The following ATF7IP variants were observed in gnomAD, a reference collection of about 807,000 sequenced individuals.
ATF7IP encodes the protein activating transcription factor 7-interacting protein 1.
A neutral mutation model predicts 106.4 loss-of-function variants in ATF7IP; 23 were observed. The ratio of observed to expected loss-of-function variants is 0.22; its 90% CI spans 0.16 to 0.31. ATF7IP has a LOEUF of 0.31. Ranked by LOEUF, ATF7IP falls within the 10% of genes least tolerant of loss-of-function variation. The probability of loss-of-function intolerance (pLI) is 1.00; values close to 1 mark genes in which losing one functional copy is unlikely to be tolerated. For missense variants in ATF7IP, 1,334 were observed against 1,524.3 expected, an observed-to-expected ratio of 0.88 and a Z score of 2.08; for synonymous variants, 542 against 539.0, an observed-to-expected ratio of 1.01 and a Z score of -0.08.
At chr12:14,393,120 A>G (rs1939657913) in intron 1 of ATF7IP, among the ~76,000 whole-genome samples, 1 of 152,160 alleles carries the variant, frequency 6.6e-6, no homozygotes, top group African/African-American at 2.4e-5. Context: ...CATCCATGTT[A>G]TTTACACTAT....
At chr12:14,438,416 GTAAAGAA>G in intron 5 of ATF7IP, 149 bp downstream of exon 5, 1 of 737,600 alleles carries the variant, frequency 1.4e-6, no homozygotes, top group Non-Finnish European at 2.1e-6. Flanking sequence ...CAGGGCTGCT[GTAAAGAA>G]AGTGCAATAA....
At chr12:14,437,201 TAGAG>T (rs773936123) in intron 4 of ATF7IP, among the ~76,000 whole-genome samples, 2 of 152,210 alleles carry the variant, frequency 1.3e-5, no homozygotes, top group East Asian at 3.8e-4. Flanking sequence ...AAGCTTTTCT[TAGAG>T]AGGAATATTA....
At chr12:14,457,403 T>G (rs1943469486) in intron 8 of ATF7IP, 108 bp downstream of exon 8, 1 of 790,920 alleles carries the variant, frequency 1.3e-6, no homozygotes, top group Non-Finnish European at 2.0e-6. Context: ...ATTGGGCACA[T>G]TGGTCTAAGT....
At chr12:14,395,929 G>C (rs948732956) in intron 1 of ATF7IP, among the ~76,000 whole-genome samples, 1 of 151,524 alleles carries the variant, frequency 6.6e-6, no homozygotes, top group Non-Finnish European at 1.5e-5. Flanking sequence ...ACAGTCATTT[G>C]TTATTATTTT....
intron 1 of ATF7IP, among the ~76,000 whole-genome samples, chr12:14,422,820 T>A (rs1941606079): frequency 6.6e-6 from 1 of 152,250 alleles, no homozygotes; most frequent in South Asian, 2.1e-4. Flanking sequence ...TTAGGTTGTT[T>A]CCAGTTTTGG....
intron 10 of ATF7IP, among the ~76,000 whole-genome samples, chr12:14,468,801 A>T (rs142520307): frequency 6.6e-6 from 1 of 152,214 alleles, no homozygotes; most frequent in African/African-American, 2.4e-5. Context: ...GCTTTCAGTT[A>T]TGAAGTTATG....
rs748492096 is a variant in ATF7IP, at chr12:14,498,071, T to TA, written c.*1dup. The change falls in exon 15 of 15, where the codon TAA becomes TAAA. Residue 1271 remains the stop codon, a frameshift_variant and stop_retained_variant. Transcript: ENST00000261168. LOFTEE classifies it high-confidence loss of function. Reference sequence around the variant, plus strand: ...TGTGATCTCTTCTACCCAGAGCAGTTAAACCTTGGAGCCTTTATATTTTCC... The same window carrying TA: ...TGTGATCTCTTCTACCCAGAGCAGTTAAAACCTTGGAGCCTTTATATTTTCC... ...TDVISSTQSS[*] 1.3e-6 allele frequency: 2 copies of TA among 1,571,242 alleles called. No individual in the cohort carries two copies. The highest frequency in any genetic ancestry group is 3.7e-5 in the Admixed American group (2 of 54,604).
chr12:14,367,785 A>G lies in ATF7IP; in HGVS notation c.-8+1958A>G, dbSNP rs1190473269. Among the ~76,000 whole-genome samples, 8 of 152,230 alleles carry G rather than the reference A, an allele frequency of 5.3e-5. 1 individual carries two copies. The South Asian group carries it at 1.4e-3, about 28-fold the overall frequency. On this transcript the variant is annotated intron_variant, in intron 1 of 14. Coordinates refer to ENST00000261168, the MANE Select transcript of ATF7IP (RefSeq NM_018179.5). ...TGCTGTCATGTTTCTTACAAGGCAGATATAATCATGTAAACTTAATAAGAT... is the reference window on the plus strand; with the variant it reads ...TGCTGTCATGTTTCTTACAAGGCAGGTATAATCATGTAAACTTAATAAGAT...
At chr12:14,450,527 G>A (rs926618091) in intron 6 of ATF7IP, among the ~76,000 whole-genome samples, 1 of 152,096 alleles carries the variant, frequency 6.6e-6, no homozygotes, top group Non-Finnish European at 1.5e-5. Context: ...TGGTCATGGT[G>A]TATAATCTTT....
intron 1 of ATF7IP, among the ~76,000 whole-genome samples, chr12:14,395,583 A>G (rs1381896006): frequency 1.3e-5 from 2 of 152,156 alleles, no homozygotes; most frequent in Non-Finnish European, 2.9e-5. Flanking sequence ...GTCTGTTACT[A>G]TATTCTCACT....
intron 13 of ATF7IP, among the ~76,000 whole-genome samples, chr12:14,483,510 G>T (rs749372859): frequency 3.3e-5 from 5 of 152,210 alleles, no homozygotes; most frequent in East Asian, 3.9e-4. Flanking sequence ...TCTCCTGGTG[G>T]GAGCGTTCCT....
chr12:14,431,398 CTT>C (rs780382202), intron 2 of ATF7IP, among the ~76,000 whole-genome samples: 15 of 142,622 alleles, frequency 1.1e-4, no homozygotes, highest in Admixed American at 1.4e-4. Flanking sequence ...AAAAAACATT[CTT>C]TTTTTTTTTT....
At chr12:14,370,778 C>T (rs1387035087) in intron 1 of ATF7IP, among the ~76,000 whole-genome samples, 1 of 151,966 alleles carries the variant, frequency 6.6e-6, no homozygotes, top group East Asian at 1.9e-4. Flanking sequence ...TGTTTTCAAT[C>T]TGGTTTAGGA....
chr12:14,480,886 TTC>T, intron 12 of ATF7IP, 115 bp from the exon 13 acceptor site: 1 of 856,010 alleles, frequency 1.2e-6, no homozygotes, highest in Admixed American at 2.6e-5. Context: ...AGACTGTTAT[TTC>T]TGTTTCTGTC....
Position 14,497,701 on chromosome 12 carries a change from A to G in ATF7IP, c.3441A>G (p.Gln1147=). ...CAGCACCCTTACCAGAAGCTCCACA[A>G]CCACAGCGTCTGCCCCCAGAAGCTG... The part of the protein sequence containing the change: ...VHPAPLPEAP[Q]PQRLPPEAAS... The change falls in exon 15 of 15, where the codon CAA becomes CAG. Residue 1147 remains glutamine, a synonymous_variant. Transcript: ENST00000261168. The G allele has an allele frequency of 6.2e-7, 1 of 1,614,160 alleles. No homozygotes were observed. Among genetic ancestry groups the G allele is most frequent in the Non-Finnish European group, 8.5e-7 (1 of 1,180,024 alleles).
chr12:14,382,945 G>A (rs11055958), intron 1 of ATF7IP, among the ~76,000 whole-genome samples: 85,173 of 152,022 alleles, frequency 0.56, 24,238 homozygotes, highest in African/African-American at 0.65. Flanking sequence ...GAATCATGTA[G>A]AGGATATATC....
intron 1 of ATF7IP, chr12:14,369,431 T>TGG (rs1938443306): frequency 6.6e-6 from 1 of 152,210 alleles, no homozygotes; most frequent in African/African-American, 2.4e-5. Context: ...TTTGGCTCAC[T>TGG]GTAACCTCTT....
intron 4 of ATF7IP, among the ~76,000 whole-genome samples, chr12:14,436,796 A>T (rs571766569): frequency 2.8e-4 from 42 of 149,232 alleles, no homozygotes; most frequent in East Asian, 9.7e-4. Context: ...TTTTTTTTTT[A>T]AAAAAGGTTA....
chr12:14,409,453 T>G (rs1023470590), intron 1 of ATF7IP, among the ~76,000 whole-genome samples: 1 of 152,196 alleles, frequency 6.6e-6, no homozygotes, highest in Non-Finnish European at 1.5e-5. Flanking sequence ...CTAGTCTTTC[T>G]GGTAAAAGAT....
Sources: gnomAD v4.1 joint callset for allele counts (sites outside exome capture counted in the v4.1 genomes callset) on GRCh38, gnomAD v4.1.1 for gene constraint, MANE v1.5 for transcripts, NCBI Gene and HGNC (gene_info 2026-07-23, HGNC 2026-07-21) for gene names.